The following DSCAM variants were observed in gnomAD, a reference collection of about 807,000 sequenced individuals.
DSCAM encodes the protein DS cell adhesion molecule.
DSCAM carries 47 observed loss-of-function variants against 217.7 expected under a neutral mutation model. The ratio of observed to expected loss-of-function variants is 0.22; its 90% CI spans 0.17 to 0.28. The LOEUF (loss-of-function observed/expected upper bound fraction) is 0.28, where lower values mean the gene tolerates loss of function less well. Among genes scored for constraint, DSCAM ranks in the 10% least tolerant of loss-of-function variants. The pLI is 1.00. For missense variants in DSCAM, 2,080 were observed against 2,618.3 expected (o/e 0.79, Z 4.49); for synonymous variants, 1,056 against 1,015.3 (o/e 1.04, Z -0.76).
At chr21:40,048,636 T>G (rs984700007) in intron 30 of DSCAM, among the ~76,000 whole-genome samples, 4 of 152,206 alleles carry the variant, frequency 2.6e-5, no homozygotes, top group Non-Finnish European at 5.9e-5. Flanking sequence ...TTCTTAAAAA[T>G]AAAGAATTCT....
At chr21:40,310,100 A>G (rs1020794893) in intron 9 of DSCAM, among the ~76,000 whole-genome samples, 11 of 152,228 alleles carry the variant, frequency 7.2e-5, no homozygotes, top group African/African-American at 2.7e-4. Flanking sequence ...AAAGATGGTT[A>G]TTTAATTGAC....
rs200759479 is a variant in DSCAM at position 40,021,098 on chromosome 21, G to GAC, written c.5687-7714_5687-7713dup. On this transcript the variant is annotated intron_variant, in intron 32 of 32. Transcript: ENST00000400454. ...AGGATGGATGAGAGAGAGGGGAAGA[G>GAC]ACACACAGAGAGAGAGAGAGGGATC... Among the ~76,000 whole-genome samples, 733 of 147,386 alleles carry GAC rather than the reference G, an allele frequency of 5.0e-3. 3 individuals are homozygous for GAC. Among genetic ancestry groups the GAC allele is most frequent in the Non-Finnish European group, 7.1e-3 (482 of 67,432 alleles).
chr21:40,033,503 G>A (rs11909861), intron 32 of DSCAM, among the ~76,000 whole-genome samples: 26,181 of 151,508 alleles, frequency 0.17, 2,427 homozygotes, highest in Middle Eastern at 0.23. Context: ...ACTATATCCC[G>A]CACCTGGCTT....
At chr21:40,234,462 T>C (rs558189564) in intron 11 of DSCAM, among the ~76,000 whole-genome samples, 2 of 152,344 alleles carry the variant, frequency 1.3e-5, no homozygotes, top group East Asian at 1.9e-4. Flanking sequence ...GAAAAGATCA[T>C]TGTAAGCTAT....
At chr21:40,782,622 C>T (rs143435062) in intron 1 of DSCAM, among the ~76,000 whole-genome samples, 179 of 152,032 alleles carry the variant, frequency 1.2e-3, no homozygotes, top group African/African-American at 4.0e-3. Flanking sequence ...CTCAGCTACT[C>T]GGGAAGCTGA....
At chr21:40,609,598 T>C (rs2089286910) in intron 3 of DSCAM, among the ~76,000 whole-genome samples, 1 of 152,200 alleles carries the variant, frequency 6.6e-6, no homozygotes, top group African/African-American at 2.4e-5. Flanking sequence ...CACAAGGTAG[T>C]GATCTTTCTA....
intron 1 of DSCAM, among the ~76,000 whole-genome samples, chr21:40,832,457 A>T (rs1333633165): frequency 2.0e-5 from 3 of 152,114 alleles, no homozygotes; most frequent in Non-Finnish European, 2.9e-5. Context: ...TATGAAGGAG[A>T]TTACACAATA....
intron 3 of DSCAM, among the ~76,000 whole-genome samples, chr21:40,495,779 T>C (rs2076113443): frequency 6.6e-6 from 1 of 151,980 alleles, no homozygotes; most frequent in Non-Finnish European, 1.5e-5. Context: ...ATGTAGAAAA[T>C]TCTAAATACT....
At chr21:40,508,783 ATTTT>A (rs1178142732) in intron 3 of DSCAM, among the ~76,000 whole-genome samples, 77 of 24,180 alleles carry the variant, frequency 3.2e-3, no homozygotes, top group South Asian at 0.012. Flanking sequence ...ATATATATAT[ATTTT>A]TTTTTTTTTT....
chr21:40,261,929 A>T (rs898623195), intron 11 of DSCAM, among the ~76,000 whole-genome samples: 3 of 152,104 alleles, frequency 2.0e-5, no homozygotes, highest in African/African-American at 7.2e-5. Context: ...AATTAGAGTG[A>T]GATGAAGTCA....
intron 3 of DSCAM, among the ~76,000 whole-genome samples, chr21:40,605,791 CTTTTTTTTTTTTTTTTTTTTTTTTT>C (rs755767800): frequency 3.2e-5 from 2 of 61,994 alleles, no homozygotes; most frequent in Non-Finnish European, 5.9e-5. Context: ...AATGCACATT[CTTTTTTTTTTTTTTTTTTTTTTTTT>C]TTTTAAGACA....
At chr21:40,187,514 T>G (rs1301055653) in intron 13 of DSCAM, among the ~76,000 whole-genome samples, 1 of 152,240 alleles carries the variant, frequency 6.6e-6, no homozygotes, top group Non-Finnish European at 1.5e-5. Flanking sequence ...GATTCTAGTT[T>G]GGATCTCTAA....
At chr21:40,648,408 G>T (rs1167033470) in intron 3 of DSCAM, among the ~76,000 whole-genome samples, 1 of 152,022 alleles carries the variant, frequency 6.6e-6, no homozygotes. Context: ...GACGTCCGTG[G>T]CTGAGCTGTT....
chr21:40,333,550 A>G (rs2074398590), intron 8 of DSCAM, among the ~76,000 whole-genome samples: 1 of 152,168 alleles, frequency 6.6e-6, no homozygotes, highest in East Asian at 1.9e-4. Flanking sequence ...TTTTTAGTAG[A>G]GACCAGGTTT....
intron 3 of DSCAM, among the ~76,000 whole-genome samples, chr21:40,673,675 T>G (rs917036340): frequency 6.6e-6 from 1 of 152,160 alleles, no homozygotes; most frequent in Non-Finnish European, 1.5e-5. Context: ...ATGAATAGTT[T>G]AGCACTATCC....
intron 23 of DSCAM, 138 bp downstream of exon 23, chr21:40,085,464 G>A (rs2089519554): frequency 8.3e-6 from 6 of 726,258 alleles, no homozygotes; most frequent in Non-Finnish European, 1.2e-5. Context: ...AAATGAACAT[G>A]TGTTTTCTTT....
intron 3 of DSCAM, among the ~76,000 whole-genome samples, chr21:40,427,254 T>G (rs1012386175): frequency 6.6e-6 from 1 of 152,168 alleles, no homozygotes; most frequent in African/African-American, 2.4e-5. Context: ...GTCCTGGGCA[T>G]GAACCCGTGT....
Position 40,044,142 on chromosome 21 carries a change from G to C in DSCAM, c.5319C>G (p.Pro1773=). The part of the protein sequence containing the change: ...TLTTDWRLPT[P]RAAGSVDKES... ...CTTTGTCTACTGATCCTGCAGCCCT[G>C]GGTGTTGGCAGCCTCCAGTCTGTGG... The change falls in exon 31 of 33, where the codon CCC becomes CCG. Residue 1773 remains proline (P), a synonymous_variant. Coordinates refer to ENST00000400454, the MANE Select transcript of DSCAM (RefSeq NM_001389.5). 6.2e-7 allele frequency: 1 copy of C among 1,614,176 alleles called. No individual in the cohort carries two copies. Among genetic ancestry groups the C allele is most frequent in the Non-Finnish European group, 8.5e-7 (1 of 1,180,038 alleles).
intron 3 of DSCAM, among the ~76,000 whole-genome samples, chr21:40,491,431 T>C (rs1018963002): frequency 3.9e-5 from 6 of 152,134 alleles, no homozygotes; most frequent in Non-Finnish European, 7.4e-5. Flanking sequence ...GGCCTGCCTC[T>C]TTCTAGTGTT....
Sources: gnomAD v4.1 joint callset for allele counts (sites outside exome capture counted in the v4.1 genomes callset) on GRCh38, gnomAD v4.1.1 for gene constraint, MANE v1.5 for transcripts, NCBI Gene and HGNC (gene_info 2026-07-23, HGNC 2026-07-21) for gene names.